Variants in ABCD3 observed in about 807,000 individuals in gnomAD.
ABCD3 encodes ATP-binding cassette sub-family D member 3.
In ABCD3, 41 loss-of-function variants were observed where a neutral mutation model predicts 105.5. The observed-to-expected ratio is 0.39, with a 90% confidence interval of 0.30 to 0.50. The LOEUF is 0.50. Among genes scored for constraint, ABCD3 ranks in the 20% least tolerant of loss-of-function variants. ABCD3 has a pLI of 0.84. For synonymous variants in ABCD3, 258 were observed against 269.0 expected (o/e 0.96, Z 0.40); for missense variants, 622 against 806.3 (o/e 0.77, Z 2.77).
At chr1:94,460,635 T>C (rs901432170) in intron 2 of ABCD3, among the ~76,000 whole-genome samples, 12 of 152,150 alleles carry the variant, frequency 7.9e-5, no homozygotes, top group African/African-American at 2.9e-4. Flanking sequence ...CAATTTAACA[T>C]GACGTACTTT....
chr1:94,420,444 T>A (rs540203577), intron 1 of ABCD3, among the ~76,000 whole-genome samples: 87 of 151,986 alleles, frequency 5.7e-4, no homozygotes, highest in Middle Eastern at 3.4e-3. Context: ...CCTAAAAAAA[T>A]TTTTTTTTGA....
At chr1:94,397,706 A>G in the ABCD3 span, among the ~76,000 whole-genome samples, 1 of 151,986 alleles carries the variant, frequency 6.6e-6, no homozygotes, top group Non-Finnish European at 1.5e-5. Flanking sequence ...TCCTTTCCAT[A>G]TTCTATTAAT....
intron 7 of ABCD3, among the ~76,000 whole-genome samples, chr1:94,477,969 T>C (rs1000408877): frequency 2.6e-5 from 4 of 152,226 alleles, no homozygotes; most frequent in Non-Finnish European, 5.9e-5. Flanking sequence ...TGGTTAATTA[T>C]CACAGTAGAG....
intron 1 of ABCD3, among the ~76,000 whole-genome samples, chr1:94,435,987 C>A (rs993017844): frequency 2.0e-5 from 3 of 152,178 alleles, no homozygotes; most frequent in Non-Finnish European, 4.4e-5. Flanking sequence ...CTTTAGTGAT[C>A]TTTGATAGCT....
chr1:94,418,620 G>T (rs959270512), intron 1 of ABCD3, 32 bp downstream of exon 1: 28 of 1,554,980 alleles, frequency 1.8e-5, no homozygotes, highest in Middle Eastern at 1.9e-4. Context: ...CAGCTTTCCC[G>T]GGCTGGAGCG....
chr1:94,485,089 TAGC>T (rs765721195), intron 10 of ABCD3, among the ~76,000 whole-genome samples: 32 of 152,298 alleles, frequency 2.1e-4, no homozygotes, highest in African/African-American at 4.3e-4. Flanking sequence ...AAAAAACAAG[TAGC>T]AGGCTAGATT....
chr1:94,417,252 A>T (rs1245337126), upstream of ABCD3, among the ~76,000 whole-genome samples: 1 of 152,174 alleles, frequency 6.6e-6, no homozygotes, highest in Non-Finnish European at 1.5e-5. Flanking sequence ...GCATGCCATT[A>T]TTGTACCTCG....
the ABCD3 span, among the ~76,000 whole-genome samples, chr1:94,387,109 TA>T: frequency 6.6e-6 from 1 of 152,236 alleles, no homozygotes; most frequent in Non-Finnish European, 1.5e-5. Context: ...CTTTTCCTGC[TA>T]AATATGCTTA....
At chr1:94,506,058 A>G (rs1196139237) in intron 20 of ABCD3, among the ~76,000 whole-genome samples, 1 of 152,210 alleles carries the variant, frequency 6.6e-6, no homozygotes, top group Non-Finnish European at 1.5e-5. Flanking sequence ...TAAAAAAATG[A>G]GCACAACCAG....
At chr1:94,420,539 G>A (rs1348227155) in intron 1 of ABCD3, among the ~76,000 whole-genome samples, 1 of 152,142 alleles carries the variant, frequency 6.6e-6, no homozygotes, top group Non-Finnish European at 1.5e-5. Flanking sequence ...TTTGCATTGG[G>A]ATGAGTGGGG....
At chr1:94,407,936 T>C in the ABCD3 span, among the ~76,000 whole-genome samples, 1 of 152,254 alleles carries the variant, frequency 6.6e-6, no homozygotes, top group Non-Finnish European at 1.5e-5. Context: ...AACACAGCAA[T>C]GCCGATTCAT....
intron 4 of ABCD3, among the ~76,000 whole-genome samples, chr1:94,471,558 A>G (rs894813286): frequency 1.3e-5 from 2 of 151,648 alleles, no homozygotes; most frequent in East Asian, 3.9e-4. Flanking sequence ...ACCCACATTC[A>G]CCAATTGTAA....
At chr1:94,453,016 C>T (rs918317160) in intron 1 of ABCD3, among the ~76,000 whole-genome samples, 1 of 152,152 alleles carries the variant, frequency 6.6e-6, no homozygotes, top group Non-Finnish European at 1.5e-5. Flanking sequence ...GGGATCCACC[C>T]GTCTGGCCTT....
chr1:94,453,672 T>G (rs1024357350), intron 1 of ABCD3, among the ~76,000 whole-genome samples: 1 of 151,898 alleles, frequency 6.6e-6, no homozygotes, highest in Non-Finnish European at 1.5e-5. Context: ...TTCAAATTTC[T>G]TTACATAGAG....
intron 1 of ABCD3, among the ~76,000 whole-genome samples, chr1:94,434,519 ATGTGT>A (rs569979106): frequency 2.7e-3 from 405 of 152,280 alleles, no homozygotes; most frequent in African/African-American, 9.4e-3. Context: ...CATGTGAGTA[ATGTGT>A]TGTACTGCGG....
At chr1:94,487,665 T>C (rs377667673) in intron 11 of ABCD3, 29 bp from the exon 12 acceptor site, 14 of 1,613,118 alleles carry the variant, frequency 8.7e-6, no homozygotes, top group Non-Finnish European at 1.1e-5. Context: ...ATACTGTTAC[T>C]GTTTTAAATC....
intron 1 of ABCD3, among the ~76,000 whole-genome samples, chr1:94,434,012 G>C (rs962921586): frequency 6.6e-6 from 1 of 152,124 alleles, no homozygotes; most frequent in Non-Finnish European, 1.5e-5. Context: ...CAAAAACGGT[G>C]TACCTGTATA....
intron 4 of ABCD3, among the ~76,000 whole-genome samples, chr1:94,469,497 T>TG (rs1388767389): frequency 2.9e-4 from 44 of 150,768 alleles, no homozygotes; most frequent in Non-Finnish European, 4.9e-4. Context: ...ATTAGTTTTT[T>TG]TTTTTTTTTT....
intron 20 of ABCD3, among the ~76,000 whole-genome samples, chr1:94,502,376 G>T (rs561598860): frequency 2.0e-5 from 3 of 152,080 alleles, no homozygotes; most frequent in African/African-American, 7.2e-5. Flanking sequence ...TCAATTAAAT[G>T]ACAGCTAATT....
Sources: gnomAD v4.1 joint callset for allele counts (sites outside exome capture counted in the v4.1 genomes callset) on GRCh38, gnomAD v4.1.1 for gene constraint, MANE v1.5 for transcripts, NCBI Gene and HGNC (gene_info 2026-07-23, HGNC 2026-07-21) for gene names.